SLC26A7: variants seen among roughly 807,000 people sequenced by gnomAD.
SLC26A7 encodes the protein anion exchange transporter.
SLC26A7 carries 59 observed loss-of-function variants against 82.5 expected under a neutral mutation model. That is an observed-to-expected ratio of 0.72 (90% CI 0.58 to 0.89). The LOEUF (loss-of-function observed/expected upper bound fraction) is 0.89, where lower values mean the gene tolerates loss of function less well. Among genes scored for constraint, SLC26A7 ranks in the 40% least tolerant of loss-of-function variants. The pLI is 0.00. For missense variants in SLC26A7, 820 were observed against 793.0 expected (o/e 1.03, Z -0.41); for synonymous variants, 271 against 274.3 (o/e 0.99, Z 0.12).
chr8:91,249,976 T>C, intron 2 of SLC26A7, 132 bp downstream of exon 2: 3 of 609,534 alleles, frequency 4.9e-6, no homozygotes, highest in Non-Finnish European at 7.5e-6. Flanking sequence ...AACAAGCATA[T>C]TGGATATATT....
chr8:91,359,596 A>T, intron 11 of SLC26A7, among the ~76,000 whole-genome samples: 1 of 152,130 alleles, frequency 6.6e-6, no homozygotes, highest in East Asian at 1.9e-4. Context: ...GCGCATGATG[A>T]TTCAGTGGGA....
intron 2 of SLC26A7, among the ~76,000 whole-genome samples, chr8:91,281,932 T>C (rs972688084): frequency 2.8e-4 from 42 of 152,198 alleles, no homozygotes; most frequent in African/African-American, 1.0e-3. Context: ...TTTGTTGGTA[T>C]TTGCTAGCTG....
chr8:91,273,216 A>G (rs1224358040), intron 2 of SLC26A7, among the ~76,000 whole-genome samples: 1 of 152,138 alleles, frequency 6.6e-6, no homozygotes, highest in East Asian at 1.9e-4. Context: ...AGGGACCAAA[A>G]TAAACAATTT....
chr8:91,224,711 T>C (rs995400382), intron 2 of SLC26A7, among the ~76,000 whole-genome samples: 1 of 146,602 alleles, frequency 6.8e-6, no homozygotes, highest in Non-Finnish European at 1.5e-5. Flanking sequence ...ACTTTGTCCC[T>C]TGGTGGAGAG....
chr8:91,372,040 A>C (rs577483073), intron 15 of SLC26A7, among the ~76,000 whole-genome samples: 3 of 152,160 alleles, frequency 2.0e-5, no homozygotes, highest in African/African-American at 7.2e-5. Context: ...TCTTCTTTTG[A>C]GAAGTGTCTG....
At chr8:91,311,300 T>G (rs1270076573) in intron 4 of SLC26A7, among the ~76,000 whole-genome samples, 1 of 152,174 alleles carries the variant, frequency 6.6e-6, no homozygotes, top group African/African-American at 2.4e-5. Context: ...AATAACCTTC[T>G]GTAAAAGGCA....
intron 2 of SLC26A7, among the ~76,000 whole-genome samples, chr8:91,268,629 G>A (rs1306706463): frequency 1.3e-5 from 2 of 151,650 alleles, no homozygotes; most frequent in Non-Finnish European, 3.0e-5. Context: ...CACACTGTCT[G>A]TGTGTCTTTT....
intron 9 of SLC26A7, among the ~76,000 whole-genome samples, chr8:91,347,841 G>A (rs1286603602): frequency 1.3e-5 from 2 of 152,118 alleles, no homozygotes; most frequent in East Asian, 1.9e-4. Flanking sequence ...GGTCTTTAGG[G>A]GAATAAGAAA....
At chr8:91,365,750 TCATA>T (rs1303549981) in intron 13 of SLC26A7, among the ~76,000 whole-genome samples, 2 of 152,218 alleles carry the variant, frequency 1.3e-5, no homozygotes, top group Non-Finnish European at 2.9e-5. Flanking sequence ...TTTCTTTCTT[TCATA>T]CTTCTATCCT....
intron 8 of SLC26A7, 139 bp from the exon 9 acceptor site, chr8:91,343,214 A>G (rs1212795993): frequency 1.0e-5 from 6 of 593,058 alleles, no homozygotes; most frequent in Admixed American, 2.8e-5. Context: ...AGCTATTTGT[A>G]TTGTAATTGT....
At chr8:91,260,160 T>C (rs1438634747) in intron 2 of SLC26A7, among the ~76,000 whole-genome samples, 4 of 152,094 alleles carry the variant, frequency 2.6e-5, no homozygotes, top group Admixed American at 1.3e-4. Flanking sequence ...TGACTCACAG[T>C]TCCATATGGC....
At chr8:91,241,313 A>T (rs1239845594) in intron 2 of SLC26A7, among the ~76,000 whole-genome samples, 1 of 116,952 alleles carries the variant, frequency 8.6e-6, no homozygotes, top group Admixed American at 8.0e-5. Context: ...GTAAAGAAAG[A>T]TATTTCACAT....
chr8:91,368,808 T>C (rs1398653052), intron 14 of SLC26A7, among the ~76,000 whole-genome samples: 2 of 152,208 alleles, frequency 1.3e-5, no homozygotes, highest in Non-Finnish European at 2.9e-5. Flanking sequence ...TCAGGCTAAC[T>C]TAATCATCAC....
At chr8:91,221,197 C>G (rs1479987296) in intron 2 of SLC26A7, among the ~76,000 whole-genome samples, 2 of 152,174 alleles carry the variant, frequency 1.3e-5, no homozygotes, top group Non-Finnish European at 2.9e-5. Context: ...ATATCCTTTG[C>G]CCACTTTTTG....
intron 15 of SLC26A7, among the ~76,000 whole-genome samples, chr8:91,373,128 G>A (rs2130884260): frequency 6.6e-6 from 1 of 152,014 alleles, no homozygotes; most frequent in East Asian, 1.9e-4. Flanking sequence ...TTTTGGTAGA[G>A]TCTTCAGAGT....
chr8:91,358,315 GT>G (rs1813934712), intron 11 of SLC26A7, among the ~76,000 whole-genome samples: 1 of 148,834 alleles, frequency 6.7e-6, no homozygotes, highest in African/African-American at 2.5e-5. Flanking sequence ...GCACACATAT[GT>G]TTTTTTCTTT....
chr8:91,350,537 T>C (rs1586440604), intron 9 of SLC26A7, among the ~76,000 whole-genome samples: 1 of 152,202 alleles, frequency 6.6e-6, no homozygotes, highest in Admixed American at 6.6e-5. Flanking sequence ...ATTCTTTGCC[T>C]CCACCTCCAG....
intron 2 of SLC26A7, among the ~76,000 whole-genome samples, chr8:91,258,404 C>T (rs149575461): frequency 1.3e-5 from 2 of 148,212 alleles, no homozygotes; most frequent in African/African-American, 2.5e-5. Context: ...AGTCACCCCC[C>T]CATCTACACA....
At chr8:91,359,030 G>A (rs1813970565) in intron 11 of SLC26A7, among the ~76,000 whole-genome samples, 1 of 152,264 alleles carries the variant, frequency 6.6e-6, no homozygotes. Context: ...GTTTACATAT[G>A]TAACAAACCT....
Sources: gnomAD v4.1 joint callset for allele counts (sites outside exome capture counted in the v4.1 genomes callset) on GRCh38, gnomAD v4.1.1 for gene constraint, MANE v1.5 for transcripts, NCBI Gene and HGNC (gene_info 2026-07-23, HGNC 2026-07-21) for gene names.